DNAH8: variants seen among roughly 807,000 people sequenced by gnomAD.
DNAH8 encodes the protein axonemal beta dynein heavy chain 8.
Under a neutral mutation model 562.1 loss-of-function variants are expected in DNAH8, and 382 were observed. That is an observed-to-expected ratio of 0.68 (90% CI 0.63 to 0.74). The LOEUF (loss-of-function observed/expected upper bound fraction) is 0.74, where lower values mean the gene tolerates loss of function less well. Among genes scored for constraint, DNAH8 ranks in the 30% least tolerant of loss-of-function variants. The probability of loss-of-function intolerance (pLI) is 0.00; values close to 1 mark genes in which losing one functional copy is unlikely to be tolerated. For synonymous variants in DNAH8, 1,881 were observed against 1,919.4 expected, an observed-to-expected ratio of 0.98 and a Z score of 0.52; for missense variants, 5,203 against 5,620.4, an observed-to-expected ratio of 0.93 and a Z score of 2.37.
intron 89 of DNAH8, among the ~76,000 whole-genome samples, chr6:39,011,490 T>A (rs1766203626): frequency 6.6e-6 from 1 of 152,240 alleles, no homozygotes; most frequent in African/African-American, 2.4e-5. Context: ...GTATTTGTAG[T>A]CAATCTTTTG....
chr6:38,989,216 C>T (rs9394563), intron 87 of DNAH8, among the ~76,000 whole-genome samples: 60,804 of 152,066 alleles, frequency 0.4, 12,573 homozygotes, highest in Non-Finnish European at 0.45. Context: ...ATTCAGACGT[C>T]GTGCCTGCAT....
chr6:38,892,178 C>T (rs1031644753), intron 58 of DNAH8, among the ~76,000 whole-genome samples: 1 of 151,988 alleles, frequency 6.6e-6, no homozygotes, highest in Admixed American at 6.6e-5. Flanking sequence ...CGATGCCAGG[C>T]CCTCTTCTCT....
Position 38,898,325 on chromosome 6 carries a change from G to T in DNAH8, c.9008G>T (p.Arg3003Ile). 6 of 1,589,330 alleles carry T rather than the reference G, an allele frequency of 3.8e-6. No individual in the cohort carries two copies. The highest frequency in any genetic ancestry group is 4.3e-6 in the Non-Finnish European group (5 of 1,172,182). Reference sequence around the variant, plus strand: ...CAGAGACAGTTCAATGAAATCATTAGAGGAACATCTCTTGATCTGGTGTTT... The same window carrying T: ...CAGAGACAGTTCAATGAAATCATTATAGGAACATCTCTTGATCTGGTGTTT... ...FYQRQFNEII[R>I]GTSLDLVFFK... Residue 3003 changes from arginine to isoleucine, a missense_variant, in exon 61 of 93, where the codon AGA becomes ATA. Coordinates refer to ENST00000327475, the MANE Select transcript of DNAH8 (RefSeq NM_001206927.2).
At chr6:38,995,493 A>G (rs1342416243) in intron 88 of DNAH8, among the ~76,000 whole-genome samples, 1 of 152,184 alleles carries the variant, frequency 6.6e-6, no homozygotes, top group Non-Finnish European at 1.5e-5. Flanking sequence ...GTTTGGTAGA[A>G]TTCTCCTGTG....
intron 55 of DNAH8, 100 bp from the exon 56 acceptor site, chr6:38,883,776 G>A (rs1056982607): frequency 2.0e-6 from 2 of 979,280 alleles, no homozygotes; most frequent in African/African-American, 3.3e-5. Flanking sequence ...CTTATTAAAT[G>A]CGTAAGTAAA....
intron 12 of DNAH8, among the ~76,000 whole-genome samples, chr6:38,775,471 T>A (rs1258032291): frequency 6.6e-6 from 1 of 152,194 alleles, no homozygotes; most frequent in East Asian, 1.9e-4. Flanking sequence ...AGCTATTTAG[T>A]CAAGCTCCCC....
At chr6:38,963,044 G>A (rs566898368) in intron 82 of DNAH8, among the ~76,000 whole-genome samples, 24 of 152,090 alleles carry the variant, frequency 1.6e-4, no homozygotes, top group Non-Finnish European at 2.9e-4. Context: ...TGGGTGATGG[G>A]TACACCAAAA....
chr6:38,911,656 T>G, intron 66 of DNAH8, 70 bp downstream of exon 66: 2 of 1,069,970 alleles, frequency 1.9e-6, no homozygotes, highest in Non-Finnish European at 2.8e-6. Flanking sequence ...CAATATTTTG[T>G]TTGGTGGACA....
chr6:38,923,203 C>T lies in DNAH8; in HGVS notation c.10790+18C>T, dbSNP rs2150559806. ...ATTAATAGGTGGGAATCTGGGTCTT[C>T]TTCATAATCACTCTTTCTTTGTGAC... is the stretch of plus-strand genomic sequence containing the variant. On this transcript the variant is annotated intron_variant, in intron 72 of 92. Transcript: ENST00000327475. The T allele has an allele frequency of 1.2e-6, 2 of 1,611,056 alleles. No homozygotes were observed. Among genetic ancestry groups the T allele is most frequent in the East Asian group, 2.2e-5 (1 of 44,778 alleles).
chr6:38,722,937 C>A lies in DNAH8; in HGVS notation c.128C>A (p.Ala43Glu). 1 of 1,612,604 alleles carries A rather than the reference C, an allele frequency of 6.2e-7. No homozygotes were observed. The highest frequency in any genetic ancestry group is 8.5e-7 in the Non-Finnish European group (1 of 1,179,686). Reference protein sequence around the residue: ...APRPPTVEAPAEDGFSPSAED... With the variant: ...APRPPTVEAPEEDGFSPSAED... The stretch of plus-strand genomic sequence containing the variant: ...CGCCCTCCGACAGTGGAGGCCCCGG[C>A]AGAAGATGGTTTCTCTCCTTCCGCA... Residue 43 changes from alanine (A) to glutamate (E), a missense_variant, in exon 2 of 93, where the codon GCA becomes GAA. By Grantham distance (107) the Ala-to-Glu change is moderately radical. This residue lies in a region of DNAH8 where 556 missense variants were observed against 496.9 expected (regional missense o/e 1.12). Coordinates refer to ENST00000327475, the MANE Select transcript of DNAH8 (RefSeq NM_001206927.2).
rs562852660 is a variant in DNAH8 at position 38,827,733 on chromosome 6, C to CTTTTTTTTTTTTTTTTTTTTTTTTTTTTT, written c.4084-441_4084-413dup. On this transcript the variant is annotated intron_variant, in intron 29 of 92. Transcript: ENST00000327475. Reference sequence around the variant, plus strand: ...TGCAAAAGCTTAATTCTTTACCAAACTTTTTTTTTTTTTTTTTTTTTTTTT... The same window carrying CTTTTTTTTTTTTTTTTTTTTTTTTTTTTT: ...TGCAAAAGCTTAATTCTTTACCAAACTTTTTTTTTTTTTTTTTTTTTTTTTTTTTTTTTTTTTTTTTTTTTTTTTTTTTT... 1.2e-3 allele frequency among the ~76,000 whole-genome samples: 65 copies of CTTTTTTTTTTTTTTTTTTTTTTTTTTTTT among 52,244 alleles called. 31 individuals carry two copies. The highest frequency in any genetic ancestry group is 1.4e-3 in the Admixed American group (6 of 4,146). 34.3% of individuals were successfully genotyped at this position (52,244 alleles called of 152,430 possible).
intron 12 of DNAH8, 148 bp from the exon 13 acceptor site, chr6:38,775,606 T>C: frequency 3.5e-6 from 2 of 567,934 alleles, no homozygotes; most frequent in Non-Finnish European, 3.2e-6. Flanking sequence ...TTGTCTTCTG[T>C]TTTATCTCCT....
intron 12 of DNAH8, among the ~76,000 whole-genome samples, chr6:38,772,993 T>G (rs868267386): frequency 0.018 from 1,878 of 105,820 alleles, 91 homozygotes; most frequent in African/African-American, 0.04. Flanking sequence ...TTTTTTTTTT[T>G]TTTTTGTAGA....
chr6:38,954,826 A>T (rs1762142147), intron 82 of DNAH8, among the ~76,000 whole-genome samples: 1 of 152,180 alleles, frequency 6.6e-6, no homozygotes. Context: ...TAAACCAATA[A>T]TCAAGGGGAG....
At position 39,012,432 on chromosome 6, in the gene DNAH8, AC is replaced by A. The variant is rs1242357749; in HGVS notation, c.13525-15del. 1.1e-5 allele frequency: 17 copies of A among 1,610,246 alleles called. No homozygotes were observed. In the African/African-American group the frequency reaches 1.9e-4, roughly 18 times the overall value. ...TGATGTTTCTTATTCATGTGTTTTA[AC>A]TTTTTCTTCTCCAGAATCTGAGAGA... On this transcript the variant is annotated splice_polypyrimidine_tract_variant and intron_variant, in intron 90 of 92. Transcript: ENST00000327475.
At chr6:38,904,556 C>T (rs183721989) in intron 62 of DNAH8, among the ~76,000 whole-genome samples, 3 of 151,988 alleles carry the variant, frequency 2.0e-5, no homozygotes, top group Non-Finnish European at 2.9e-5. Flanking sequence ...TTTGGGAGGC[C>T]GAGGTGGGCG....
chr6:38,943,306 C>T (rs1464547634), intron 79 of DNAH8, among the ~76,000 whole-genome samples: 1 of 152,188 alleles, frequency 6.6e-6, no homozygotes, highest in Admixed American at 6.5e-5. Flanking sequence ...TACATTTTGA[C>T]TGAATTATCT....
intron 24 of DNAH8, among the ~76,000 whole-genome samples, chr6:38,812,898 A>G (rs757984024): frequency 6.6e-5 from 10 of 152,208 alleles, no homozygotes; most frequent in Non-Finnish European, 1.5e-4. Flanking sequence ...CTTATCTACA[A>G]TATGGAAAGA....
At chr6:38,912,049 C>A (rs112458874) in intron 66 of DNAH8, among the ~76,000 whole-genome samples, 1,935 of 152,282 alleles carry the variant, frequency 0.013, 22 homozygotes, top group Non-Finnish European at 0.021. Flanking sequence ...CAAGAGTTTT[C>A]CAAGTGTCTG....
Sources: gnomAD v4.1 joint callset for allele counts (sites outside exome capture counted in the v4.1 genomes callset) on GRCh38, gnomAD v4.1.1 for gene constraint, gnomAD v4.1.1 regional missense constraint, MANE v1.5 for transcripts, NCBI Gene and HGNC (gene_info 2026-07-23, HGNC 2026-07-21) for gene names.